The following MPC2 variants were observed in gnomAD, a reference collection of about 807,000 sequenced individuals.
The protein encoded by MPC2 is mitochondrial pyruvate carrier 2, also known as brain protein 44.
MPC2 carries 19 observed loss-of-function variants against 19.2 expected under a neutral mutation model. The ratio of observed to expected loss-of-function variants is 0.99; its 90% confidence interval spans 0.69 to 1.45. MPC2 has a LOEUF of 1.45. Among genes scored for constraint, MPC2 ranks in the 40% most tolerant of loss-of-function variants. The probability of loss-of-function intolerance (pLI) is 0.00; values close to 1 mark genes in which losing one functional copy is unlikely to be tolerated. For missense variants in MPC2, 122 were observed against 153.0 expected, an observed-to-expected ratio of 0.80 and a Z score of 1.07; for synonymous variants, 61 against 54.3, an observed-to-expected ratio of 1.12 and a Z score of -0.54.
At chr1:167,924,341 T>G (rs1670677507) in intron 3 of MPC2, 156 bp downstream of exon 3, 1 of 542,730 alleles carries the variant, frequency 1.8e-6, no homozygotes, top group Admixed American at 4.1e-5. Context: ...TTGCTTTATG[T>G]AGAAAACGAT....
chr1:167,932,249 C>T (rs1670932638), intron 2 of MPC2, among the ~76,000 whole-genome samples: 1 of 152,040 alleles, frequency 6.6e-6, no homozygotes, highest in African/African-American at 2.4e-5. Context: ...AGTATACATC[C>T]TGTTTATAAA....
intron 1 of MPC2, chr1:167,936,397 C>T (rs1408176756): frequency 1.1e-5 from 2 of 177,520 alleles, no homozygotes; most frequent in African/African-American, 4.8e-5. Context: ...CTTCTTTTCA[C>T]TGGAGACTCG....
Position 167,918,102 on chromosome 1 carries a change from T to C in MPC2, c.*221A>G. On this transcript the variant is annotated 3_prime_UTR_variant, in exon 6 of 6. Coordinates refer to ENST00000271373, the MANE Select transcript of MPC2 (RefSeq NM_001143674.4). ...GCAAGTATGGTTTATTACGGACAAA[T>C]GGTAGAAAAATGTTACTAATATCCA... The C allele has an allele frequency of 2.3e-6, 1 of 437,310 alleles. No individual in the cohort carries two copies. Among genetic ancestry groups the C allele is most frequent in the Non-Finnish European group, 4.1e-6 (1 of 245,880 alleles). The allele number at this position is 437,310 out of a possible 1,614,324, so 27.1% of individuals were successfully genotyped here. A position where few individuals can be genotyped will look rare whatever the true frequency, so the allele number is the denominator to read the frequency against.
At chr1:167,932,823 A>AG (rs1553201574) in intron 2 of MPC2, among the ~76,000 whole-genome samples, 6 of 150,650 alleles carry the variant, frequency 4.0e-5, no homozygotes, top group African/African-American at 1.2e-4. Context: ...AAAAAAAAAA[A>AG]AAAAGAAAAG....
At chr1:167,935,263 G>A (rs193083730) in intron 2 of MPC2, among the ~76,000 whole-genome samples, 2 of 152,326 alleles carry the variant, frequency 1.3e-5, no homozygotes, top group Admixed American at 6.5e-5. Flanking sequence ...CAGTTTGGGG[G>A]AGGGCTCAGT....
At chr1:167,926,712 A>G (rs1198327563) in intron 2 of MPC2, among the ~76,000 whole-genome samples, 3 of 152,228 alleles carry the variant, frequency 2.0e-5, no homozygotes, top group African/African-American at 7.2e-5. Flanking sequence ...AGCCGCTCCC[A>G]GAAAGTAGAG....
intron 2 of MPC2, among the ~76,000 whole-genome samples, chr1:167,929,644 G>T (rs1032052602): frequency 2.6e-5 from 4 of 152,128 alleles, no homozygotes; most frequent in Non-Finnish European, 5.9e-5. Flanking sequence ...TTATTTGAGA[G>T]AAATTACTGT....
intron 1 of MPC2, chr1:167,936,282 A>G: frequency 4.8e-6 from 1 of 207,588 alleles, no homozygotes; most frequent in East Asian, 1.4e-4. Flanking sequence ...GGGAAAGTGA[A>G]GCTGCGCTGG....
intron 2 of MPC2, among the ~76,000 whole-genome samples, chr1:167,933,372 G>A (rs1470050977): frequency 2.0e-5 from 3 of 151,964 alleles, no homozygotes; most frequent in African/African-American, 7.3e-5. Context: ...TCATCATGTT[G>A]GTCAGGCTGG....
chr1:167,931,635 A>G (rs1260024798), intron 2 of MPC2, among the ~76,000 whole-genome samples: 1 of 152,116 alleles, frequency 6.6e-6, no homozygotes, highest in African/African-American at 2.4e-5. Flanking sequence ...AAGTTCTAAC[A>G]GAGATGCTAA....
chr1:167,921,181 A>G (rs180837820), intron 3 of MPC2, among the ~76,000 whole-genome samples: 2 of 152,168 alleles, frequency 1.3e-5, no homozygotes, highest in Admixed American at 6.5e-5. Context: ...TTATTTTTTA[A>G]AAGTATAAAT....
In MPC2 at chr1:167,917,762, T is replaced by C. The variant is rs1171291175; in HGVS notation, c.*561A>G. On this transcript the variant is annotated 3_prime_UTR_variant, in exon 6 of 6. Transcript: ENST00000271373. Reference sequence around the variant, plus strand: ...CCAGGCACTATGTTAAAACATTATCTCATTAATCTTTACAATGATCCTATT... The same window carrying C: ...CCAGGCACTATGTTAAAACATTATCCCATTAATCTTTACAATGATCCTATT... The C allele has an allele frequency of 6.6e-6, 1 of 152,276 alleles. No individual in the cohort carries two copies. The highest frequency in any genetic ancestry group is 1.5e-5 in the Non-Finnish European group (1 of 68,110). The allele number at this position is 152,276 out of a possible 1,614,324, so 9.4% of individuals were successfully genotyped here.
intron 2 of MPC2, among the ~76,000 whole-genome samples, chr1:167,929,833 G>C (rs1354402496): frequency 6.6e-6 from 1 of 152,048 alleles, no homozygotes; most frequent in African/African-American, 2.4e-5. Flanking sequence ...GAAAAATAAA[G>C]TTTCTTACTG....
chr1:167,935,021 T>A (rs2102565907), intron 2 of MPC2, among the ~76,000 whole-genome samples: 1 of 152,140 alleles, frequency 6.6e-6, no homozygotes, highest in Admixed American at 6.5e-5. Flanking sequence ...GTCAAGCACA[T>A]ATGTTATCTG....
At chr1:167,920,701 G>A in intron 3 of MPC2, 70 bp from the exon 4 acceptor site, 1 of 1,440,748 alleles carries the variant, frequency 6.9e-7, no homozygotes, top group Non-Finnish European at 9.4e-7. Context: ...TTTAAATCAA[G>A]CACAAGACAT....
intron 2 of MPC2, among the ~76,000 whole-genome samples, chr1:167,932,922 G>C (rs1049025108): frequency 2.6e-5 from 4 of 152,210 alleles, no homozygotes; most frequent in African/African-American, 9.6e-5. Context: ...ACTGGCTAGG[G>C]TGGAGTCACA....
intron 2 of MPC2, among the ~76,000 whole-genome samples, chr1:167,931,349 A>T (rs1402128545): frequency 1.3e-5 from 2 of 152,228 alleles, no homozygotes; most frequent in Non-Finnish European, 2.9e-5. Flanking sequence ...ATAGGCCCTC[A>T]ATAAATATTG....
At chr1:167,921,654 A>AT (rs1670604917) in intron 3 of MPC2, among the ~76,000 whole-genome samples, 1 of 152,034 alleles carries the variant, frequency 6.6e-6, no homozygotes, top group Non-Finnish European at 1.5e-5. Context: ...CCAAGTCACT[A>AT]TGTTTGTCCC....
rs1270121021 is a variant in MPC2, at chr1:167,917,283, A to G, written c.*1040T>C. 6.6e-6 allele frequency: 1 copy of G among 152,192 alleles called. No homozygotes were observed. 9.4% of individuals were successfully genotyped at this position (152,192 alleles called of 1,614,324 possible). A position where few individuals can be genotyped will look rare whatever the true frequency, so the allele number is the denominator to read the frequency against. On this transcript the variant is annotated 3_prime_UTR_variant, in exon 6 of 6. Coordinates refer to ENST00000271373, the MANE Select transcript of MPC2 (RefSeq NM_001143674.4). ...CTACTTATGTCCCAGGTACTCTGCT[A>G]GGTACTTTCCTAACTTGTCTAAAGT... is the stretch of plus-strand genomic sequence containing the variant.
Sources: allele counts gnomAD v4.1 joint callset (sites outside exome capture counted in the v4.1 genomes callset), GRCh38; gene constraint gnomAD v4.1.1; transcripts MANE v1.5; gene names NCBI Gene and HGNC (gene_info 2026-07-23, HGNC 2026-07-21).